ZFPM2: variants seen among roughly 807,000 people sequenced by gnomAD.
ZFPM2 encodes the protein zinc finger protein ZFPM2.
A neutral mutation model predicts 98.6 loss-of-function variants in ZFPM2; 20 were observed. The observed-to-expected ratio is 0.20, with a 90% CI of 0.14 to 0.29. The LOEUF is 0.29. Ranked by LOEUF, ZFPM2 falls within the 10% of genes least tolerant of loss-of-function variation. ZFPM2 has a pLI of 1.00. For synonymous variants in ZFPM2, 518 were observed against 502.7 expected, an observed-to-expected ratio of 1.03 and a Z score of -0.41; for missense variants, 1,310 against 1,388.6, an observed-to-expected ratio of 0.94 and a Z score of 0.90.
chr8:105,394,850 G>A (rs898501737), intron 1 of ZFPM2, among the ~76,000 whole-genome samples: 4 of 152,176 alleles, frequency 2.6e-5, no homozygotes, highest in African/African-American at 9.7e-5. Flanking sequence ...TTTAAAATCA[G>A]TTTATCCTTA....
intron 5 of ZFPM2, among the ~76,000 whole-genome samples, chr8:105,665,461 T>C (rs1817471787): frequency 6.6e-6 from 1 of 152,190 alleles, no homozygotes; most frequent in Non-Finnish European, 1.5e-5. Context: ...TTTCAGAGCC[T>C]CTCTCTGAGA....
intron 1 of ZFPM2, among the ~76,000 whole-genome samples, chr8:105,334,259 T>C (rs948869727): frequency 1.7e-4 from 25 of 151,348 alleles, no homozygotes; most frequent in Non-Finnish European, 3.4e-4. Context: ...GTTGAGAGGA[T>C]AGAAGTGCTT....
At chr8:105,796,274 T>TGATGTTATCGGGAAGCTCCAATGTATG (rs57834752) in intron 6 of ZFPM2, among the ~76,000 whole-genome samples, 1 of 152,040 alleles carries the variant, frequency 6.6e-6, no homozygotes, top group East Asian at 1.9e-4. Context: ...TAGGAGTATC[T>TGATGTTATCGGGAAGCTCCAATGTATG]GATGTTAATT....
intron 3 of ZFPM2, among the ~76,000 whole-genome samples, chr8:105,450,230 A>G (rs1586381679): frequency 1.3e-5 from 2 of 152,134 alleles, no homozygotes; most frequent in South Asian, 2.1e-4. Flanking sequence ...TCACTTTTGC[A>G]TGAAGTGAAA....
chr8:105,689,262 T>C (rs35417549), intron 5 of ZFPM2, among the ~76,000 whole-genome samples: 1,996 of 152,220 alleles, frequency 0.013, 22 homozygotes, highest in Non-Finnish European at 0.019. Flanking sequence ...TTAAAAAGAG[T>C]AAGACATAGA....
At chr8:105,347,129 C>T (rs1266862811) in intron 1 of ZFPM2, among the ~76,000 whole-genome samples, 1 of 151,760 alleles carries the variant, frequency 6.6e-6, no homozygotes, top group Non-Finnish European at 1.5e-5. Context: ...ATGTAACACC[C>T]CCCACCCCGC....
chr8:105,496,809 C>G (rs1421733632), intron 3 of ZFPM2, among the ~76,000 whole-genome samples: 1 of 149,768 alleles, frequency 6.7e-6, no homozygotes, highest in South Asian at 2.1e-4. Context: ...ATGGAGAAAC[C>G]CTGTCTCTAC....
chr8:105,478,786 A>G (rs1813060028), intron 3 of ZFPM2, among the ~76,000 whole-genome samples: 1 of 152,198 alleles, frequency 6.6e-6, no homozygotes, highest in Non-Finnish European at 1.5e-5. Context: ...CTTGGGCGTG[A>G]GAAGCACTGC....
intron 5 of ZFPM2, among the ~76,000 whole-genome samples, chr8:105,648,773 T>C (rs1244563393): frequency 6.6e-6 from 1 of 152,208 alleles, no homozygotes; most frequent in Non-Finnish European, 1.5e-5. Context: ...CTGTTTTGGT[T>C]TCTGTAGCCT....
At chr8:105,542,152 AATTT>A (rs1178425657) in intron 3 of ZFPM2, among the ~76,000 whole-genome samples, 2 of 152,140 alleles carry the variant, frequency 1.3e-5, no homozygotes, top group South Asian at 2.1e-4. Flanking sequence ...CTTTGTAATT[AATTT>A]ATTGATTGAT....
At chr8:105,478,913 G>A (rs1204895276) in intron 3 of ZFPM2, among the ~76,000 whole-genome samples, 1 of 152,082 alleles carries the variant, frequency 6.6e-6, no homozygotes, top group South Asian at 2.1e-4. Flanking sequence ...CCTCAGTTTC[G>A]AGCCCCAAAA....
rs1168240113 is a variant in ZFPM2, at chr8:105,401,689, G to A, written c.41-17455G>A. Among the ~76,000 whole-genome samples, 7 of 152,020 alleles carry A rather than the reference G, an allele frequency of 4.6e-5. No homozygotes were observed. In the East Asian group the frequency reaches 5.8e-4, roughly 13 times the overall value. ...AGAAAACTGGTAATAGGGGAAGCTA[G>A]TATTTGAACCCCAAACTATCAAAAC... is the stretch of plus-strand genomic sequence containing the variant. On this transcript the variant is annotated intron_variant, in intron 1 of 7. Coordinates refer to ENST00000407775, the MANE Select transcript of ZFPM2 (RefSeq NM_012082.4).
At chr8:105,685,715 G>A (rs1445732199) in intron 5 of ZFPM2, 1 of 152,074 alleles carries the variant, frequency 6.6e-6, no homozygotes, top group East Asian at 1.9e-4. Flanking sequence ...TTGATATAGA[G>A]TGTAACTCAA....
intron 5 of ZFPM2, among the ~76,000 whole-genome samples, chr8:105,743,379 T>A (rs1412553414): frequency 6.6e-6 from 1 of 152,008 alleles, no homozygotes; most frequent in African/African-American, 2.4e-5. Flanking sequence ...TGACTGAATT[T>A]TTTTAAAAAA....
intron 5 of ZFPM2, among the ~76,000 whole-genome samples, chr8:105,651,763 AATTATTAT>A (rs1347489171): frequency 1.3e-5 from 2 of 152,144 alleles, no homozygotes; most frequent in African/African-American, 4.8e-5. Context: ...CTGAATTTTG[AATTATTAT>A]GTAATGAGAT....
At chr8:105,552,008 A>G (rs1814865966) in intron 3 of ZFPM2, among the ~76,000 whole-genome samples, 1 of 152,222 alleles carries the variant, frequency 6.6e-6, no homozygotes, top group South Asian at 2.1e-4. Flanking sequence ...AAAAGCAGGC[A>G]GTTTTAACAG....
intron 1 of ZFPM2, chr8:105,414,981 A>G (rs1407970039): frequency 2.6e-5 from 4 of 152,070 alleles, no homozygotes; most frequent in Admixed American, 1.3e-4. Flanking sequence ...TTCACTGTAC[A>G]TTGGGCTGTC....
chr8:105,798,779 G>A lies in ZFPM2; in HGVS notation c.795G>A (p.Leu265=), dbSNP rs1441007891. 1 of 1,613,916 alleles carries A rather than the reference G, an allele frequency of 6.2e-7. No individual in the cohort carries two copies. The highest frequency in any genetic ancestry group is 8.5e-7 in the Non-Finnish European group (1 of 1,179,862). The change falls in exon 7 of 8, where the codon CTG becomes CTA. Residue 265 remains leucine (L), a synonymous_variant. Coordinates refer to ENST00000407775, the MANE Select transcript of ZFPM2 (RefSeq NM_012082.4). The part of the protein sequence containing the change: ...CGIWYRSERN[L]QAHLMYYCSG... The stretch of plus-strand genomic sequence containing the variant: ...TCTGGTATCGGAGTGAGCGGAATCT[G>A]CAGGCCCATTTGATGTACTACTGCA...
chr8:105,416,563 T>A (rs962384720), intron 1 of ZFPM2, among the ~76,000 whole-genome samples: 2 of 151,886 alleles, frequency 1.3e-5, no homozygotes, highest in Non-Finnish European at 2.9e-5. Context: ...AAATATCTGT[T>A]GGAGCTTTAC....
Sources: gnomAD v4.1 joint callset for allele counts (sites outside exome capture counted in the v4.1 genomes callset) on GRCh38, gnomAD v4.1.1 for gene constraint, MANE v1.5 for transcripts, NCBI Gene and HGNC (gene_info 2026-07-23, HGNC 2026-07-21) for gene names.